FRMD3: variants seen among roughly 807,000 people sequenced by gnomAD.
FRMD3 encodes the protein FERM domain containing 3.
In FRMD3, 33 loss-of-function variants were observed where a neutral mutation model predicts 70.2. That is an observed-to-expected ratio of 0.47 (90% confidence interval 0.36 to 0.63). The LOEUF (loss-of-function observed/expected upper bound fraction) is 0.63. Among genes scored for constraint, FRMD3 ranks in the 20% least tolerant of loss-of-function variants. The pLI is 0.00. For missense variants in FRMD3, 632 were observed against 711.4 expected, an observed-to-expected ratio of 0.89 and a Z score of 1.27; for synonymous variants, 279 against 255.9, an observed-to-expected ratio of 1.09 and a Z score of -0.86.
rs192252485 is a variant in FRMD3 at position 83,466,962 on chromosome 9, C to T, written c.147+71123G>A. 1.4e-3 allele frequency among the ~76,000 whole-genome samples: 212 copies of T among 152,252 alleles called. 1 individual carries two copies. Among genetic ancestry groups the T allele is most frequent in the African/African-American group, 4.9e-3 (205 of 41,540 alleles). On this transcript the variant is annotated intron_variant, in intron 1 of 13. Transcript: ENST00000304195. ...AAGAGGAGCTAGAAATATCACATTG[C>T]ACATCGACAGGCAAGGCTCCACCTA...
intron 12 of FRMD3, among the ~76,000 whole-genome samples, 193 bp from the exon 13 acceptor site, chr9:83,290,920 T>C (rs908304579): frequency 2.0e-5 from 3 of 152,144 alleles, no homozygotes; most frequent in Admixed American, 6.6e-5. Context: ...CCTGACCAAA[T>C]GTCCCTATGT....
chr9:83,386,833 T>C (rs116654704), intron 2 of FRMD3, among the ~76,000 whole-genome samples: 2 of 152,204 alleles, frequency 1.3e-5, no homozygotes, highest in African/African-American at 4.8e-5. Flanking sequence ...CCTCACACTT[T>C]TGAAGGTCAG....
chr9:83,379,265 T>C (rs960345877), intron 2 of FRMD3, among the ~76,000 whole-genome samples: 3 of 152,134 alleles, frequency 2.0e-5, no homozygotes, highest in Non-Finnish European at 2.9e-5. Flanking sequence ...TACAGATGGA[T>C]TACACTTGAG....
In FRMD3 at chr9:83,300,757, T is replaced by C. The variant is rs146556915; in HGVS notation, c.927-1571A>G. ...GCACATTTTCCCATGTTATTATTAC[T>C]ACACACACACATATTTTTTTTCCTT... On this transcript the variant is annotated intron_variant, in intron 10 of 13. Coordinates refer to ENST00000304195, the MANE Select transcript of FRMD3 (RefSeq NM_174938.6). Among the ~76,000 whole-genome samples, 16 of 152,322 alleles carry C rather than the reference T, an allele frequency of 1.1e-4. No individual in the cohort carries two copies. In the East Asian group the frequency reaches 1.7e-3, roughly 17 times the overall value.
chr9:83,290,772 T>C (rs765565407), intron 12 of FRMD3, 45 bp from the exon 13 acceptor site: 1 of 1,558,626 alleles, frequency 6.4e-7, no homozygotes. Flanking sequence ...CCATCACAAA[T>C]GCTGGCCCCT....
intron 13 of FRMD3, among the ~76,000 whole-genome samples, chr9:83,255,360 A>T (rs1414606270): frequency 6.6e-6 from 1 of 152,180 alleles, no homozygotes; most frequent in Non-Finnish European, 1.5e-5. Flanking sequence ...TCAATAAACT[A>T]AGTAATGAAG....
intron 1 of FRMD3, among the ~76,000 whole-genome samples, chr9:83,515,972 C>A (rs7037655): frequency 0.21 from 32,027 of 151,988 alleles, 4,277 homozygotes; most frequent in African/African-American, 0.37. Flanking sequence ...GAAGGAAGCA[C>A]TAACTATGGG....
Position 83,246,572 on chromosome 9 carries a change from T to C in FRMD3, c.*1346A>G. The C allele has an allele frequency of 1.0e-6, 1 of 984,724 alleles. No individual in the cohort carries two copies. The highest frequency in any genetic ancestry group is 1.2e-6 in the Non-Finnish European group (1 of 829,846). 61.0% of individuals were successfully genotyped at this position (984,724 alleles called of 1,614,324 possible). ...TATGGAAGTCAAATTTTAAAACAAC[T>C]GGGAAAGGAAAGGAGTATAATGACC... On this transcript the variant is annotated 3_prime_UTR_variant, in exon 14 of 14. Transcript: ENST00000304195.
intron 1 of FRMD3, among the ~76,000 whole-genome samples, chr9:83,451,583 C>T (rs1587866066): frequency 6.6e-6 from 1 of 152,336 alleles, no homozygotes; most frequent in East Asian, 1.9e-4. Flanking sequence ...GAATTTTTCA[C>T]AGAATACCCG....
chr9:83,543,823 T>C, the FRMD3 span, among the ~76,000 whole-genome samples: 5 of 152,244 alleles, frequency 3.3e-5, no homozygotes, highest in Non-Finnish European at 5.9e-5. Flanking sequence ...ATGGGCACTG[T>C]GCTTGGCTCT....
chr9:83,298,872 G>T lies in FRMD3; in HGVS notation c.1002-56C>A, dbSNP rs1212833438. On this transcript the variant is annotated intron_variant, in intron 11 of 13. Coordinates refer to ENST00000304195, the MANE Select transcript of FRMD3 (RefSeq NM_174938.6). ...CACATAGTCAGAGAAGAATGGGAGG[G>T]ATATGCACAAGTGTCCTTTTGTTAA... The T allele has an allele frequency of 2.0e-6, 3 of 1,510,200 alleles. No homozygotes were observed. In the Admixed American group the frequency reaches 5.0e-5, roughly 25 times the overall value. 93.5% of individuals were successfully genotyped at this position (1,510,200 alleles called of 1,614,324 possible).
chr9:83,529,392 G>GTTCTGGAA (rs1412153148), intron 1 of FRMD3, among the ~76,000 whole-genome samples: 2 of 152,186 alleles, frequency 1.3e-5, no homozygotes, highest in African/African-American at 4.8e-5. Flanking sequence ...TGATGAAAAT[G>GTTCTGGAA]TTCTGGAATT....
chr9:83,477,606 A>T (rs569444911), intron 1 of FRMD3, among the ~76,000 whole-genome samples: 1 of 152,286 alleles, frequency 6.6e-6, no homozygotes, highest in South Asian at 2.1e-4. Context: ...AGGCCGTCCC[A>T]AATCAAGGTT....
chr9:83,329,573 A>G (rs1159279255), intron 6 of FRMD3, among the ~76,000 whole-genome samples: 1 of 152,150 alleles, frequency 6.6e-6, no homozygotes, highest in African/African-American at 2.4e-5. Context: ...CATTTTTTTA[A>G]ACTATAGCCA....
chr9:83,310,925 T>C (rs763444430), intron 8 of FRMD3, among the ~76,000 whole-genome samples: 1 of 152,208 alleles, frequency 6.6e-6, no homozygotes, highest in Admixed American at 6.5e-5. Context: ...ATTCACAGTA[T>C]CTGACTTTCT....
intron 1 of FRMD3, among the ~76,000 whole-genome samples, chr9:83,477,018 C>T (rs1564095455): frequency 6.6e-6 from 1 of 152,160 alleles, no homozygotes; most frequent in Admixed American, 6.5e-5. Context: ...GTAGTAAGCA[C>T]CTTTCAATAA....
In FRMD3 at chr9:83,538,075, C is replaced by G; in HGVS notation, c.147+10G>C. On this transcript the variant is annotated intron_variant, in intron 1 of 13. Coordinates refer to ENST00000304195, the MANE Select transcript of FRMD3 (RefSeq NM_174938.6). This position sits in a 1 kb window ranked among gnomAD's most constrained non-coding sequence, Gnocchi z 4.7. Reference sequence around the variant, plus strand: ...GTGTGCCCCGCGCCCTCGCCCGGTTCCACGCGCACCTGGATGTGGCAGGAG... The same window carrying G: ...GTGTGCCCCGCGCCCTCGCCCGGTTGCACGCGCACCTGGATGTGGCAGGAG... 6.2e-7 allele frequency: 1 copy of G among 1,611,482 alleles called. No individual in the cohort carries two copies. The highest frequency in any genetic ancestry group is 8.5e-7 in the Non-Finnish European group (1 of 1,178,232).
chr9:83,280,773 G>A (rs1833952413), intron 13 of FRMD3, among the ~76,000 whole-genome samples: 1 of 152,128 alleles, frequency 6.6e-6, no homozygotes, highest in Non-Finnish European at 1.5e-5. Flanking sequence ...GAAATTTTAT[G>A]AAGAGGTGAT....
At chr9:83,262,263 A>AG in intron 13 of FRMD3, among the ~76,000 whole-genome samples, 1 of 152,178 alleles carries the variant, frequency 6.6e-6, no homozygotes, top group African/African-American at 2.4e-5. Context: ...TTTACCTCCA[A>AG]TAACACACAC....
Sources: allele counts gnomAD v4.1 joint callset (sites outside exome capture counted in the v4.1 genomes callset), GRCh38; gene constraint gnomAD v4.1.1; non-coding constraint Gnocchi (gnomAD v3.1); transcripts MANE v1.5; gene names NCBI Gene and HGNC (gene_info 2026-07-23, HGNC 2026-07-21).